BCKDHA: variants seen among roughly 807,000 people sequenced by gnomAD.
BCKDHA encodes the protein 2-oxoisovalerate dehydrogenase subunit alpha, mitochondrial.
A neutral mutation model predicts 52.2 loss-of-function variants in BCKDHA; 43 were observed. The observed-to-expected ratio is 0.82, with a 90% CI of 0.64 to 1.06. BCKDHA has a LOEUF of 1.06. Among genes scored for constraint, BCKDHA ranks in the 50% least tolerant of loss-of-function variants. BCKDHA has a pLI of 0.00. For missense variants in BCKDHA, 527 were observed against 621.3 expected, an observed-to-expected ratio of 0.85 and a Z score of 1.61; for synonymous variants, 234 against 247.9, an observed-to-expected ratio of 0.94 and a Z score of 0.53.
At position 41,414,060 on chromosome 19, in the gene BCKDHA, CT is replaced by C; in HGVS notation, c.389del (p.Phe130SerfsTer3). 2 of 1,613,752 alleles carry C rather than the reference CT, an allele frequency of 1.2e-6. No individual in the cohort carries two copies. The highest frequency in any genetic ancestry group is 8.5e-7 in the Non-Finnish European group (1 of 1,180,028). ...YESQRQGRIS[F>X]YMTNYGEEGT... ...CTCTACACCCCCAGGGCCGGATCTC[CT>C]TCTACATGACCAACTATGGTGAGGA... On this transcript the variant is annotated frameshift_variant, in exon 4 of 9. Coordinates refer to ENST00000269980, the MANE Select transcript of BCKDHA (RefSeq NM_000709.4). LOFTEE classifies it high-confidence loss of function.
chr19:41,419,364 T>G (rs942976295), intron 5 of BCKDHA, 68 bp downstream of exon 5: 3 of 1,543,114 alleles, frequency 1.9e-6, no homozygotes, highest in African/African-American at 2.7e-5. Flanking sequence ...AGGCCTCAGC[T>G]CTTTTGCCTG....
At chr19:41,399,230 T>C (rs569379782) in intron 1 of BCKDHA, 4 of 151,954 alleles carry the variant, frequency 2.6e-5, no homozygotes, top group South Asian at 2.1e-4. Flanking sequence ...ACGTAGTAGG[T>C]ATCTAGGAAC....
intron 1 of BCKDHA, among the ~76,000 whole-genome samples, chr19:41,398,392 C>A (rs946913403): frequency 1.3e-5 from 2 of 152,152 alleles, no homozygotes; most frequent in Non-Finnish European, 2.9e-5. Flanking sequence ...TGCATAGGGC[C>A]TTGTATTTCT....
chr19:41,418,785 C>T (rs1256509663), intron 4 of BCKDHA: 4 of 452,098 alleles, frequency 8.8e-6, no homozygotes, highest in East Asian at 6.8e-5. Context: ...AGCGATCCTC[C>T]AACGTCAGCC....
chr19:41,409,688 A>T (rs1472402025), intron 1 of BCKDHA, among the ~76,000 whole-genome samples: 1 of 151,740 alleles, frequency 6.6e-6, no homozygotes, highest in South Asian at 2.1e-4. Context: ...CATTTTATTC[A>T]TGTGATCTTG....
At chr19:41,422,808 T>C (rs1456942826) in intron 7 of BCKDHA, 38 bp downstream of exon 7, 1 of 1,611,680 alleles carries the variant, frequency 6.2e-7, no homozygotes, top group Non-Finnish European at 8.5e-7. Context: ...CCCACAGCAC[T>C]GACAGCCACC....
chr19:41,423,651 G>A (rs1237137930), intron 8 of BCKDHA, among the ~76,000 whole-genome samples: 1 of 152,166 alleles, frequency 6.6e-6, no homozygotes, highest in East Asian at 1.9e-4. Flanking sequence ...GGCCAACATG[G>A]TGAAACCTCG....
At chr19:41,419,322 C>T (rs780047475) in intron 5 of BCKDHA, 26 bp downstream of exon 5, 20 of 1,600,936 alleles carry the variant, frequency 1.2e-5, no homozygotes, top group Admixed American at 1.7e-5. Flanking sequence ...CTGTACCTTG[C>T]ACATGTGCAG....
At chr19:41,422,458 C>T (rs967701369) in intron 6 of BCKDHA, 88 bp downstream of exon 6, 19 of 1,582,656 alleles carry the variant, frequency 1.2e-5, no homozygotes, top group African/African-American at 5.4e-5. Context: ...CCCTACCCTC[C>T]TTCCTGGTTC....
At chr19:41,416,410 A>G (rs1057293229) in intron 4 of BCKDHA, among the ~76,000 whole-genome samples, 2 of 152,218 alleles carry the variant, frequency 1.3e-5, no homozygotes, top group African/African-American at 4.8e-5. Flanking sequence ...AAGCATTACC[A>G]TCAACTCTAA....
chr19:41,413,812 G>A (rs950762636), intron 3 of BCKDHA, among the ~76,000 whole-genome samples: 3 of 152,126 alleles, frequency 2.0e-5, no homozygotes, highest in African/African-American at 7.2e-5. Context: ...GCCCTTCCGT[G>A]GTGGAACAGG....
chr19:41,410,645 C>T lies in BCKDHA; in HGVS notation c.117C>T (p.Pro39=), dbSNP rs80014754. The change falls in exon 2 of 9, where the codon CCC becomes CCT. Residue 39 remains proline, a synonymous_variant. Coordinates refer to ENST00000269980, the MANE Select transcript of BCKDHA (RefSeq NM_000709.4). ...TCTGCTCTCTTCCCCAGCACCCCCC[C>T]AGGCAGCAGCAGCAGTTTTCATCTC... ...GARGLARSHP[P]RQQQQFSSLD... The T allele has an allele frequency of 2.5e-6, 4 of 1,614,152 alleles. No homozygotes were observed. The highest frequency in any genetic ancestry group is 2.5e-6 in the Non-Finnish European group (3 of 1,180,032).
At position 41,417,983 on chromosome 19, in the gene BCKDHA, C is replaced by G. The variant is rs1276978844; in HGVS notation, c.485-1152C>G. ...GGTGCACACCTGGAATCCCAGCTAT[C>G]TGGGAGGCTGAGGCATAAGAATTGC... On this transcript the variant is annotated intron_variant, in intron 4 of 8. Transcript: ENST00000269980. Among the ~76,000 whole-genome samples, 4 of 148,218 alleles carry G rather than the reference C, an allele frequency of 2.7e-5. No homozygotes were observed. In the East Asian group the frequency reaches 8.0e-4, roughly 30 times the overall value.
rs747013856 is a variant in BCKDHA at position 41,424,426 on chromosome 19, A to G, written c.1168-12A>G. ...GGCCGGCTAGCCTGCCCACTGCCCC[A>G]TGTCCCCACAGGTGATGGAGGCCTT... On this transcript the variant is annotated splice_polypyrimidine_tract_variant and intron_variant, in intron 8 of 8. Coordinates refer to ENST00000269980, the MANE Select transcript of BCKDHA (RefSeq NM_000709.4). The G allele has an allele frequency of 3.1e-6, 5 of 1,613,602 alleles. No homozygotes were observed. The African/African-American group carries it at 5.3e-5, about 17-fold the overall frequency.
At chr19:41,418,015 C>T (rs1188858619) in intron 4 of BCKDHA, among the ~76,000 whole-genome samples, 2 of 145,766 alleles carry the variant, frequency 1.4e-5, no homozygotes, top group Non-Finnish European at 3.0e-5. Flanking sequence ...TTGCTTGAAC[C>T]TGGAAGGTGG....
chr19:41,422,275 C>G lies in BCKDHA; in HGVS notation c.758C>G (p.Ala253Gly), dbSNP rs1213596075. ...GACGCCCATGCCGGCTTCAACTTCG[C>G]TGCCACACTTGAGTGCCCCATCATC... ...EGDAHAGFNF[A>G]ATLECPIIFF... The change falls in exon 6 of 9, where the codon GCT becomes GGT. Residue 253 changes from alanine to glycine, a missense_variant. Ala to Gly is a moderately conservative substitution (Grantham distance 60). Transcript: ENST00000269980. 1.9e-5 allele frequency: 30 copies of G among 1,614,116 alleles called. No individual in the cohort carries two copies. Among genetic ancestry groups the G allele is most frequent in the Non-Finnish European group, 2.2e-5 (26 of 1,180,028 alleles).
At chr19:41,422,881 C>G (rs1244102239) in intron 7 of BCKDHA, 111 bp downstream of exon 7, 6 of 1,583,764 alleles carry the variant, frequency 3.8e-6, no homozygotes, top group Non-Finnish European at 5.2e-6. Context: ...GATGTTGCAT[C>G]TCCCCCTTGC....
chr19:41,409,331 C>T (rs1489373628), intron 1 of BCKDHA, among the ~76,000 whole-genome samples: 1 of 152,178 alleles, frequency 6.6e-6, no homozygotes, highest in African/African-American at 2.4e-5. Flanking sequence ...GCCTTACCCT[C>T]GCTTTCTTCT....
chr19:41,409,965 T>C (rs1599952531), intron 1 of BCKDHA, among the ~76,000 whole-genome samples: 1 of 152,122 alleles, frequency 6.6e-6, no homozygotes, highest in East Asian at 1.9e-4. Context: ...CACATCCGGC[T>C]AATTTTTCTA....
Sources: allele counts gnomAD v4.1 joint callset (sites outside exome capture counted in the v4.1 genomes callset), GRCh38; gene constraint gnomAD v4.1.1; transcripts MANE v1.5; gene names NCBI Gene and HGNC (gene_info 2026-07-23, HGNC 2026-07-21).